PDK1: variants seen among roughly 807,000 people sequenced by gnomAD.
PDK1 encodes pyruvate dehydrogenase kinase 1, also known as [Pyruvate dehydrogenase (acetyl-transferring)] kinase isozyme 1, mitochondrial.
PDK1 carries 39 observed loss-of-function variants against 54.2 expected under a neutral mutation model. The ratio of observed to expected loss-of-function variants is 0.72; its 90% CI spans 0.56 to 0.94. The LOEUF is 0.94. Ranked by LOEUF, PDK1 falls within the 40% of genes least tolerant of loss-of-function variation. The pLI, the probability that PDK1 is intolerant of heterozygous loss-of-function variation, is 0.00. For synonymous variants in PDK1, 221 were observed against 207.1 expected (o/e 1.07, Z -0.58); for missense variants, 552 against 566.0 (o/e 0.98, Z 0.25).
At position 172,568,826 on chromosome 2, in the gene PDK1, A is replaced by G; in HGVS notation, c.846+9A>G. On this transcript the variant is annotated intron_variant, in intron 7 of 10. Transcript: ENST00000282077. ...TGTTTGAACTTTTCAAGGTTTGTAAAATAGTATTACATAACCTTTACCAGT... is the reference window on the plus strand; with the variant it reads ...TGTTTGAACTTTTCAAGGTTTGTAAGATAGTATTACATAACCTTTACCAGT... 6.6e-7 allele frequency: 1 copy of G among 1,505,336 alleles called. No individual in the cohort carries two copies. The highest frequency in any genetic ancestry group is 9.3e-7 in the Non-Finnish European group (1 of 1,080,676). 93.2% of individuals were successfully genotyped at this position (1,505,336 alleles called of 1,614,324 possible).
the PDK1 span, among the ~76,000 whole-genome samples, chr2:172,618,957 T>G: frequency 2.6e-5 from 4 of 152,064 alleles, no homozygotes; most frequent in Non-Finnish European, 5.9e-5. Flanking sequence ...GCAGCTAATA[T>G]CCCCAGCAGC....
In PDK1 at chr2:172,603,974, A is replaced by G. The variant is rs561503979; in HGVS notation, c.*8005A>G. On this transcript the variant is annotated 3_prime_UTR_variant, in exon 11 of 11. Transcript: ENST00000282077. ...ACTGATGGGCAAGGATATTAACATC[A>G]ATATCTAAAAAAATTCTGAGATTTG... is the stretch of plus-strand genomic sequence containing the variant. 1.3e-5 allele frequency: 2 copies of G among 152,318 alleles called. No homozygotes were observed. The highest frequency in any genetic ancestry group is 4.8e-5 in the African/African-American group (2 of 41,574). The allele number at this position is 152,318 out of a possible 1,614,324, so 9.4% of individuals were successfully genotyped here.
the PDK1 span, among the ~76,000 whole-genome samples, chr2:172,658,776 T>TTAG: frequency 6.6e-6 from 1 of 152,156 alleles, no homozygotes; most frequent in East Asian, 1.9e-4. Flanking sequence ...TGCAGTACCC[T>TTAG]CAGGCTTATT....
chr2:172,643,649 AG>A, the PDK1 span, among the ~76,000 whole-genome samples: 1 of 152,096 alleles, frequency 6.6e-6, no homozygotes, highest in Non-Finnish European at 1.5e-5. Flanking sequence ...CTTGTTGGGA[AG>A]GGGGACCTAG....
downstream of PDK1, among the ~76,000 whole-genome samples, chr2:172,610,983 TA>T (rs1297892537): frequency 6.6e-6 from 1 of 152,244 alleles, no homozygotes; most frequent in Non-Finnish European, 1.5e-5. Context: ...AACGTGTATC[TA>T]AAGTGTTATT....
chr2:172,683,156 C>A, the PDK1 span, among the ~76,000 whole-genome samples: 9,524 of 151,856 alleles, frequency 0.063, 1,021 homozygotes, highest in East Asian at 0.54. Flanking sequence ...ACCATTCTGG[C>A]GAACACAGTG....
intron 5 of PDK1, 131 bp from the exon 6 acceptor site, chr2:172,566,725 C>T: frequency 2.2e-6 from 1 of 444,718 alleles, no homozygotes; most frequent in Non-Finnish European, 3.9e-6. Context: ...AGACTTTCAC[C>T]AAACTATCAA....
the PDK1 span, among the ~76,000 whole-genome samples, chr2:172,625,288 C>T: frequency 6.6e-6 from 1 of 152,196 alleles, no homozygotes; most frequent in Non-Finnish European, 1.5e-5. Context: ...CTCTCCCCGT[C>T]CCCACTCTGA....
chr2:172,584,814 T>A (rs143461336), intron 8 of PDK1, among the ~76,000 whole-genome samples: 156 of 148,620 alleles, frequency 1.0e-3, no homozygotes, highest in African/African-American at 3.6e-3. Flanking sequence ...CACTACCACA[T>A]CTGGGTAATT....
At chr2:172,680,314 T>C in the PDK1 span, among the ~76,000 whole-genome samples, 1 of 152,216 alleles carries the variant, frequency 6.6e-6, no homozygotes, top group Non-Finnish European at 1.5e-5. Context: ...CAATATTTAC[T>C]GAATAAATGA....
the PDK1 span, among the ~76,000 whole-genome samples, chr2:172,649,712 T>G: frequency 2.6e-5 from 4 of 152,180 alleles, no homozygotes; most frequent in Non-Finnish European, 5.9e-5. Context: ...AGTAGCCGAT[T>G]TGATCAAGTG....
At chr2:172,555,806 A>C, upstream of PDK1, 1 of 206,608 alleles carries the variant, frequency 4.8e-6, no homozygotes. Context: ...CCCGACGTGT[A>C]CGGGGACGGC....
intron 2 of PDK1, among the ~76,000 whole-genome samples, chr2:172,561,671 G>A (rs1358789293): frequency 6.6e-6 from 1 of 152,174 alleles, no homozygotes; most frequent in Non-Finnish European, 1.5e-5. Flanking sequence ...AATTTAAAAT[G>A]TACATTTTTA....
the PDK1 span, among the ~76,000 whole-genome samples, chr2:172,617,505 C>T: frequency 6.6e-5 from 10 of 152,270 alleles, no homozygotes; most frequent in Admixed American, 3.9e-4. Flanking sequence ...AGGGCCTGGT[C>T]TCTCTGCTTC....
At position 172,587,327 on chromosome 2, in the gene PDK1, CG is replaced by C. The variant is rs1463298652; in HGVS notation, c.1056+941del. On this transcript the variant is annotated intron_variant, in intron 9 of 10. Coordinates refer to ENST00000282077, the MANE Select transcript of PDK1 (RefSeq NM_002610.5). ...TCAGGAGTGAAGCTGCAGACCTTCA[CG>C]GAGAGTGTTACAGCTCATAAAGGCA... Among the ~76,000 whole-genome samples, 23 of 151,912 alleles carry C rather than the reference CG, an allele frequency of 1.5e-4. No homozygotes were observed. In the East Asian group the frequency reaches 4.1e-3, roughly 27 times the overall value.
At chr2:172,558,001 T>G (rs1688442851) in intron 1 of PDK1, 1 of 151,974 alleles carries the variant, frequency 6.6e-6, no homozygotes, top group East Asian at 1.9e-4. Context: ...CCGGCTATTT[T>G]TTATTTTCTG....
chr2:172,563,249 A>G (rs1029169004), intron 3 of PDK1, among the ~76,000 whole-genome samples: 7 of 152,192 alleles, frequency 4.6e-5, no homozygotes, highest in Non-Finnish European at 1.5e-5. Context: ...GTAGTCAAGC[A>G]GAATAATACA....
chr2:172,661,081 G>A, the PDK1 span, among the ~76,000 whole-genome samples: 3 of 152,196 alleles, frequency 2.0e-5, no homozygotes, highest in Admixed American at 2.0e-4. Context: ...GACCTACAAG[G>A]TGAGGAAGTG....
At chr2:172,586,580 C>G (rs556012194) in intron 9 of PDK1, among the ~76,000 whole-genome samples, 192 bp downstream of exon 9, 1 of 151,670 alleles carries the variant, frequency 6.6e-6, no homozygotes, top group South Asian at 2.1e-4. Flanking sequence ...GAAATGGGCA[C>G]GAGACAGAGA....
Sources: allele counts gnomAD v4.1 joint callset (sites outside exome capture counted in the v4.1 genomes callset), GRCh38; gene constraint gnomAD v4.1.1; transcripts MANE v1.5; gene names NCBI Gene and HGNC (gene_info 2026-07-23, HGNC 2026-07-21).